Variants in TRPM3 observed in about 807,000 individuals in gnomAD.
TRPM3 encodes transient receptor potential cation channel subfamily M member 3.
A neutral mutation model predicts 181.2 loss-of-function variants in TRPM3; 77 were observed. The ratio of observed to expected loss-of-function variants is 0.42; its 90% CI spans 0.35 to 0.51. The LOEUF is 0.51. Among genes scored for constraint, TRPM3 ranks in the 20% least tolerant of loss-of-function variants. The pLI, the probability that TRPM3 is intolerant of heterozygous loss-of-function variation, is 0.01. For missense variants in TRPM3, 1,759 were observed against 2,196.7 expected (o/e 0.80, Z 3.98); for synonymous variants, 745 against 796.4 (o/e 0.94, Z 1.09).
intron 1 of TRPM3, among the ~76,000 whole-genome samples, chr9:71,258,069 A>G (rs2082784595): frequency 6.6e-6 from 1 of 152,178 alleles, no homozygotes; most frequent in Non-Finnish European, 1.5e-5. Flanking sequence ...ATATTTTCTA[A>G]GAGTGGATAA....
Position 71,121,404 on chromosome 9 carries a change from G to A in TRPM3, c.-50C>T, listed in dbSNP as rs12551555. The A allele has an allele frequency of 6.3e-7, 1 of 1,586,350 alleles. No homozygotes were observed. The highest frequency in any genetic ancestry group is 8.6e-7 in the Non-Finnish European group (1 of 1,167,436). On this transcript the variant is annotated 5_prime_UTR_variant, in exon 1 of 26. Coordinates refer to ENST00000677713, the MANE Select transcript of TRPM3 (RefSeq NM_001366145.2). ...AATTCCATTAGGGCAGAGGCTTCCT[G>A]GAACTTGGAAGACTAGTCAAGTAGC...
At chr9:70,994,010 T>C (rs1033709432) in intron 1 of TRPM3, among the ~76,000 whole-genome samples, 16 of 152,078 alleles carry the variant, frequency 1.1e-4, no homozygotes, top group African/African-American at 3.4e-4. Context: ...TGGGTACAAC[T>C]AGGGAGTGAG....
At chr9:70,664,204 G>A (rs756429893) in intron 9 of TRPM3, among the ~76,000 whole-genome samples, 2 of 152,164 alleles carry the variant, frequency 1.3e-5, no homozygotes, top group African/African-American at 2.4e-5. Context: ...TATAGTTAAT[G>A]AGAATATTTA....
At chr9:71,132,668 T>C (rs1032222963) in intron 1 of TRPM3, among the ~76,000 whole-genome samples, 1 of 152,178 alleles carries the variant, frequency 6.6e-6, no homozygotes, top group East Asian at 1.9e-4. Context: ...GTCAAAAAAT[T>C]TTAAAATTCA....
chr9:71,050,731 A>C (rs1402876034), intron 1 of TRPM3, among the ~76,000 whole-genome samples: 3 of 152,234 alleles, frequency 2.0e-5, no homozygotes, highest in African/African-American at 7.2e-5. Context: ...ATTTTTACTC[A>C]TCTGCAAATG....
At chr9:71,094,931 G>GA (rs1039019688) in intron 1 of TRPM3, among the ~76,000 whole-genome samples, 1 of 152,086 alleles carries the variant, frequency 6.6e-6, no homozygotes, top group Non-Finnish European at 1.5e-5. Context: ...GCAAGGGTGA[G>GA]AAAAAAGACA....
At chr9:71,124,444 T>C (rs1183010577), upstream of TRPM3, among the ~76,000 whole-genome samples, 1 of 152,166 alleles carries the variant, frequency 6.6e-6, no homozygotes, top group Non-Finnish European at 1.5e-5. Context: ...CTTAAAACTC[T>C]GAAATAATCA....
intron 1 of TRPM3, among the ~76,000 whole-genome samples, chr9:71,086,028 C>CA (rs138405587): frequency 2.1e-3 from 318 of 151,978 alleles, no homozygotes; most frequent in African/African-American, 7.2e-3. Context: ...ATAAAAAGAA[C>CA]AAAATCATCT....
intron 1 of TRPM3, among the ~76,000 whole-genome samples, chr9:71,259,149 G>T (rs1276993015): frequency 6.6e-6 from 1 of 152,080 alleles, no homozygotes; most frequent in African/African-American, 2.4e-5. Flanking sequence ...GTGATGTTTG[G>T]TTTTCTGTCC....
At chr9:70,903,477 A>T (rs923571701) in intron 1 of TRPM3, among the ~76,000 whole-genome samples, 1 of 151,872 alleles carries the variant, frequency 6.6e-6, no homozygotes, top group Non-Finnish European at 1.5e-5. Flanking sequence ...TTTCCCTTTA[A>T]GTGGCACTCC....
At chr9:71,096,364 A>C (rs893382263) in intron 1 of TRPM3, among the ~76,000 whole-genome samples, 3 of 151,012 alleles carry the variant, frequency 2.0e-5, no homozygotes, top group African/African-American at 7.3e-5. Context: ...AATCATGTCC[A>C]TGGTTAAATT....
chr9:70,837,085 G>A (rs925925418), intron 5 of TRPM3, among the ~76,000 whole-genome samples: 4 of 152,080 alleles, frequency 2.6e-5, no homozygotes, highest in East Asian at 3.9e-4. Context: ...CCTTGTCTCC[G>A]ACCTTTTCCT....
chr9:70,744,198 G>C (rs1258406809), intron 8 of TRPM3, among the ~76,000 whole-genome samples: 1 of 151,850 alleles, frequency 6.6e-6, no homozygotes, highest in Admixed American at 6.6e-5. Context: ...CATGGTGGTG[G>C]GTGCCTGTAA....
Position 70,681,696 on chromosome 9 carries a change from A to G in TRPM3, c.1273-118T>C, listed in dbSNP as rs1169325502. On this transcript the variant is annotated intron_variant, in intron 8 of 25. Coordinates refer to ENST00000677713, the MANE Select transcript of TRPM3 (RefSeq NM_001366145.2). Reference sequence around the variant, plus strand: ...ATATCTACAAAGTAGATTCTTAACCACAGGGTAAGCACACATAACAAGAAT... The same window carrying G: ...ATATCTACAAAGTAGATTCTTAACCGCAGGGTAAGCACACATAACAAGAAT... 9.4e-6 allele frequency: 8 copies of G among 854,600 alleles called. No individual in the cohort carries two copies. The East Asian group carries it at 1.9e-4, about 21-fold the overall frequency. 52.9% of individuals were successfully genotyped at this position (854,600 alleles called of 1,614,324 possible).
chr9:70,603,820 G>A (rs977080649), intron 19 of TRPM3, among the ~76,000 whole-genome samples: 5 of 152,136 alleles, frequency 3.3e-5, no homozygotes, highest in African/African-American at 7.2e-5. Flanking sequence ...TTGCTCAGGC[G>A]TGGACCTTAG....
chr9:71,341,658 A>G (rs1486766759), intron 1 of TRPM3, among the ~76,000 whole-genome samples: 3 of 121,698 alleles, frequency 2.5e-5, no homozygotes, highest in Non-Finnish European at 5.2e-5. Flanking sequence ...TGGAAAAGAA[A>G]AAGAAACTAG....
chr9:71,230,975 C>G (rs972734427), intron 1 of TRPM3, among the ~76,000 whole-genome samples: 1 of 152,130 alleles, frequency 6.6e-6, no homozygotes, highest in African/African-American at 2.4e-5. Flanking sequence ...ACTATTTATA[C>G]TAGGTTTCAG....
At chr9:71,164,803 G>A (rs2076458355) in intron 1 of TRPM3, among the ~76,000 whole-genome samples, 1 of 152,148 alleles carries the variant, frequency 6.6e-6, no homozygotes, top group Non-Finnish European at 1.5e-5. Flanking sequence ...TATATTCAGA[G>A]ATGGTTATTC....
At chr9:71,255,120 A>G (rs2082592290) in intron 1 of TRPM3, among the ~76,000 whole-genome samples, 1 of 152,190 alleles carries the variant, frequency 6.6e-6, no homozygotes, top group Non-Finnish European at 1.5e-5. Context: ...ATTGACTTTA[A>G]GCAAACATGA....
Sources: gnomAD v4.1 joint callset for allele counts (sites outside exome capture counted in the v4.1 genomes callset) on GRCh38, gnomAD v4.1.1 for gene constraint, MANE v1.5 for transcripts, NCBI Gene and HGNC (gene_info 2026-07-23, HGNC 2026-07-21) for gene names.